PRKN: variants seen among roughly 807,000 people sequenced by gnomAD.
PRKN encodes parkin RBR E3 ubiquitin protein ligase, also known as E3 ubiquitin-protein ligase parkin.
PRKN carries 56 observed loss-of-function variants against 59.5 expected under a neutral mutation model. That is an observed-to-expected ratio of 0.94 (90% CI 0.76 to 1.18). The LOEUF is 1.18. Ranked by LOEUF, PRKN falls within the 50% of genes most tolerant of loss-of-function variation. The probability of loss-of-function intolerance (pLI) is 0.00; values close to 1 mark genes in which losing one functional copy is unlikely to be tolerated. For missense variants in PRKN, 657 were observed against 596.4 expected (o/e 1.10, Z -1.06); for synonymous variants, 250 against 222.1 (o/e 1.13, Z -1.12).
At chr6:162,584,971 GCT>G (rs1780987178) in intron 1 of PRKN, among the ~76,000 whole-genome samples, 1 of 147,516 alleles carries the variant, frequency 6.8e-6, no homozygotes, top group Non-Finnish European at 1.5e-5. Flanking sequence ...CAATGGCTTG[GCT>G]CACTGCAACC....
chr6:162,075,846 T>A (rs1368615888), intron 4 of PRKN, among the ~76,000 whole-genome samples: 2 of 152,016 alleles, frequency 1.3e-5, no homozygotes, highest in Non-Finnish European at 2.9e-5. Flanking sequence ...TGCTACCATG[T>A]ATTTATAAGG....
At chr6:161,902,108 T>C (rs1286232564) in intron 6 of PRKN, among the ~76,000 whole-genome samples, 1 of 152,146 alleles carries the variant, frequency 6.6e-6, no homozygotes, top group Non-Finnish European at 1.5e-5. Flanking sequence ...TCCTTTGACT[T>C]GAGAAAAATA....
chr6:162,267,825 T>C (rs1044204635), intron 2 of PRKN, among the ~76,000 whole-genome samples: 1 of 152,234 alleles, frequency 6.6e-6, no homozygotes, highest in African/African-American at 2.4e-5. Flanking sequence ...TGCCAAACAA[T>C]GATCAACTCT....
chr6:161,358,249 C>T (rs1784839016), intron 11 of PRKN, among the ~76,000 whole-genome samples: 3 of 152,120 alleles, frequency 2.0e-5, no homozygotes, highest in Middle Eastern at 6.8e-3. Context: ...AAAGTGGTTT[C>T]CAGAAAAGTT....
rs752913214 is a variant in PRKN at position 161,414,762 on chromosome 6, A to G, written c.1084-27885T>C. Among the ~76,000 whole-genome samples the G allele has an allele frequency of 3.9e-5, 6 of 152,162 alleles. No homozygotes were observed. Among genetic ancestry groups the G allele is most frequent in the Non-Finnish European group, 8.8e-5 (6 of 68,020 alleles). On this transcript the variant is annotated intron_variant, in intron 9 of 11. Transcript: ENST00000366898. This position sits in a 1 kb window ranked among gnomAD's most constrained non-coding sequence, Gnocchi z 5.3. ...AAGGCACATTATGCTTCTCCACCAG[A>G]GGAGGGTCTCCGCAGGCAGGGCAGC...
chr6:162,166,266 T>C (rs73783432), intron 4 of PRKN, among the ~76,000 whole-genome samples: 3,808 of 152,136 alleles, frequency 0.025, 179 homozygotes, highest in African/African-American at 0.087. Flanking sequence ...CAACATATTT[T>C]GCTGAATGGA....
chr6:161,594,003 A>G (rs1392747796), intron 7 of PRKN, among the ~76,000 whole-genome samples: 1 of 152,026 alleles, frequency 6.6e-6, no homozygotes, highest in East Asian at 1.9e-4. Flanking sequence ...AAAAAAACAA[A>G]AAACAAAAAC....
At chr6:161,663,615 T>A (rs1028072666) in intron 7 of PRKN, among the ~76,000 whole-genome samples, 1 of 152,108 alleles carries the variant, frequency 6.6e-6, no homozygotes, top group African/African-American at 2.4e-5. Context: ...GTCAGGCAAG[T>A]TTTGTCTCCA....
chr6:161,479,392 G>A (rs1347754001), intron 9 of PRKN, among the ~76,000 whole-genome samples: 2 of 152,070 alleles, frequency 1.3e-5, no homozygotes, highest in East Asian at 3.9e-4. Context: ...TGATCTTACT[G>A]GTTTTTGCTT....
intron 5 of PRKN, among the ~76,000 whole-genome samples, chr6:162,008,781 G>A (rs1320129930): frequency 6.6e-6 from 1 of 152,132 alleles, no homozygotes; most frequent in Non-Finnish European, 1.5e-5. Context: ...ATTAGAATAG[G>A]AATATTATTT....
chr6:162,210,425 C>T (rs1178189704), intron 3 of PRKN, among the ~76,000 whole-genome samples: 4 of 152,108 alleles, frequency 2.6e-5, no homozygotes, highest in Admixed American at 2.6e-4. Flanking sequence ...CAAGCTCCTC[C>T]CACGGATTCT....
chr6:162,331,843 C>A (rs1448973159), intron 2 of PRKN, among the ~76,000 whole-genome samples: 1 of 152,176 alleles, frequency 6.6e-6, no homozygotes, highest in Non-Finnish European at 1.5e-5. Context: ...GTCTCTGACA[C>A]TGCAACTCAG....
chr6:161,563,372 T>C (rs772450845), intron 8 of PRKN, among the ~76,000 whole-genome samples: 3 of 152,216 alleles, frequency 2.0e-5, no homozygotes, highest in Non-Finnish European at 1.5e-5. Flanking sequence ...TGGAGGAAGC[T>C]GGTATAAATG....
chr6:162,167,387 A>G (rs768072163), intron 4 of PRKN, among the ~76,000 whole-genome samples: 3 of 152,164 alleles, frequency 2.0e-5, no homozygotes, highest in Admixed American at 6.5e-5. Flanking sequence ...TGATCTCTTA[A>G]GCAAAATGTT....
At chr6:162,586,782 G>A (rs947785997) in intron 1 of PRKN, among the ~76,000 whole-genome samples, 1 of 152,210 alleles carries the variant, frequency 6.6e-6, no homozygotes, top group Non-Finnish European at 1.5e-5. Context: ...AAGAGAGAGA[G>A]AGACAGAATA....
intron 4 of PRKN, among the ~76,000 whole-genome samples, chr6:162,167,343 G>A (rs7767766): frequency 0.012 from 1,804 of 152,236 alleles, 42 homozygotes; most frequent in African/African-American, 0.04. Flanking sequence ...CGGCCCTGAC[G>A]TGTGCTTGTT....
chr6:162,291,519 C>A (rs1168255762), intron 2 of PRKN, among the ~76,000 whole-genome samples: 2 of 152,110 alleles, frequency 1.3e-5, no homozygotes, highest in Non-Finnish European at 2.9e-5. Context: ...TCCAGCACTT[C>A]ACGGGAGGGT....
At chr6:161,556,060 T>C (rs932576348) in intron 8 of PRKN, among the ~76,000 whole-genome samples, 4 of 152,240 alleles carry the variant, frequency 2.6e-5, no homozygotes, top group Admixed American at 1.3e-4. Context: ...AAGAAGTTAA[T>C]GTATGGACAA....
At position 161,973,525 on chromosome 6, in the gene PRKN, C is replaced by T. The variant is rs373743148; in HGVS notation, c.619-108G>A. Reference sequence around the variant, plus strand: ...TTTGGACAAGAGAAGAAATCTGTTACGAGGTGTGAGATGGAAATAAATCAG... The same window carrying T: ...TTTGGACAAGAGAAGAAATCTGTTATGAGGTGTGAGATGGAAATAAATCAG... On this transcript the variant is annotated intron_variant, in intron 5 of 11. Coordinates refer to ENST00000366898, the MANE Select transcript of PRKN (RefSeq NM_004562.3). The T allele has an allele frequency of 1.0e-4, 75 of 719,366 alleles. No homozygotes were observed. In the African/African-American group the frequency reaches 1.1e-3, roughly 10 times the overall value. The allele number at this position is 719,366 out of a possible 1,614,324, so 44.6% of individuals were successfully genotyped here.
Sources: gnomAD v4.1 joint callset for allele counts (sites outside exome capture counted in the v4.1 genomes callset) on GRCh38, gnomAD v4.1.1 for gene constraint, Gnocchi (gnomAD v3.1) non-coding constraint, MANE v1.5 for transcripts, NCBI Gene and HGNC (gene_info 2026-07-23, HGNC 2026-07-21) for gene names.